NBAS: variants seen among roughly 807,000 people sequenced by gnomAD.
NBAS encodes NBAS subunit of NRZ tethering complex.
Under a neutral mutation model 302.5 loss-of-function variants are expected in NBAS, and 219 were observed. The ratio of observed to expected loss-of-function variants is 0.72; its 90% CI spans 0.65 to 0.81. NBAS has a LOEUF of 0.81. NBAS is among the 30% of genes least tolerant of loss of function. NBAS has a pLI of 0.00. For missense variants in NBAS, 2,932 were observed against 2,841.6 expected (o/e 1.03, Z -0.72); for synonymous variants, 1,118 against 1,021.6 (o/e 1.09, Z -1.80).
At chr2:15,420,102 CTAGTAA>C in intron 23 of NBAS, among the ~76,000 whole-genome samples, 1 of 152,216 alleles carries the variant, frequency 6.6e-6, no homozygotes, top group East Asian at 1.9e-4. Flanking sequence ...AGACTCTCTT[CTAGTAA>C]TAACAGTAGC....
At chr2:15,103,025 AAGGAAAGAGGGT>A in the NBAS span, among the ~76,000 whole-genome samples, 1 of 135,616 alleles carries the variant, frequency 7.4e-6, no homozygotes, top group African/African-American at 2.6e-5. Context: ...GGAAGGAAGG[AAGGAAAGAGGGT>A]CGGAGGGAGG....
At chr2:15,484,334 A>G in intron 12 of NBAS, among the ~76,000 whole-genome samples, 1 of 152,194 alleles carries the variant, frequency 6.6e-6, no homozygotes, top group Non-Finnish European at 1.5e-5. Flanking sequence ...ATTCTGAAAA[A>G]AGGCTTAACC....
chr2:14,821,585 C>T, the NBAS span, among the ~76,000 whole-genome samples: 28 of 152,232 alleles, frequency 1.8e-4, no homozygotes, highest in African/African-American at 6.7e-4. Context: ...TGGCCAGATC[C>T]CTTTTTCCAG....
the NBAS span, among the ~76,000 whole-genome samples, chr2:14,885,139 T>C: frequency 0.092 from 13,939 of 152,194 alleles, 1,019 homozygotes; most frequent in African/African-American, 0.2. Flanking sequence ...TGTAGGTAGA[T>C]GTTACTCTTA....
the NBAS span, among the ~76,000 whole-genome samples, chr2:14,868,462 T>C: frequency 6.6e-6 from 1 of 152,332 alleles, no homozygotes; most frequent in South Asian, 2.1e-4. Flanking sequence ...TAAAGGTCTA[T>C]ACGAAAGTAT....
At chr2:15,025,528 C>T in the NBAS span, among the ~76,000 whole-genome samples, 2 of 152,202 alleles carry the variant, frequency 1.3e-5, no homozygotes, top group East Asian at 3.9e-4. Context: ...ATAGGAATAG[C>T]ATTGAATCTG....
rs192911673 is a variant in NBAS at position 15,279,078 on chromosome 2, C to G, written c.5139-1977G>C. Among the ~76,000 whole-genome samples, 552 of 152,004 alleles carry G rather than the reference C, an allele frequency of 3.6e-3. 3 individuals are homozygous for G. Among genetic ancestry groups the G allele is most frequent in the Middle Eastern group, 0.01 (3 of 294 alleles). On this transcript the variant is annotated intron_variant, in intron 42 of 51. Transcript: ENST00000281513. The stretch of plus-strand genomic sequence containing the variant: ...ATTTCTGATGTTCCTTCATAATTTG[C>G]AAAATGAAGTCTAAAAACAATGTAG...
chr2:14,839,343 A>C, the NBAS span, among the ~76,000 whole-genome samples: 1 of 152,074 alleles, frequency 6.6e-6, no homozygotes, highest in Non-Finnish European at 1.5e-5. Flanking sequence ...GCAAGTGGAC[A>C]ACCAGCTTTC....
chr2:14,940,680 A>G, the NBAS span, among the ~76,000 whole-genome samples: 2 of 151,858 alleles, frequency 1.3e-5, no homozygotes, highest in African/African-American at 4.8e-5. Context: ...GCCTCCCACT[A>G]CCTCCCAGAA....
chr2:15,486,930 A>T (rs1251537965), intron 12 of NBAS, among the ~76,000 whole-genome samples: 1 of 152,192 alleles, frequency 6.6e-6, no homozygotes, highest in Non-Finnish European at 1.5e-5. Context: ...CAAAAAAAAA[A>T]AAGTCTCTGG....
Position 15,474,135 on chromosome 2 carries a change from T to C in NBAS, c.1531A>G (p.Thr511Ala). Residue 511 changes from threonine to alanine, a missense_variant, in exon 15 of 52, where the codon ACC becomes GCC. Transcript: ENST00000281513. ...RFAPPRKRPR[T>A]ITKNYRLVSL... is the part of the protein sequence containing the mutation. The stretch of plus-strand genomic sequence containing the variant: ...ACAAGGCGGTAGTTTTTAGTAATGG[T>C]TCGTGGGCGTTTCCGTGGTGGTGCA... The C allele has an allele frequency of 1.2e-6, 2 of 1,614,134 alleles. No homozygotes were observed. The highest frequency in any genetic ancestry group is 1.7e-6 in the Non-Finnish European group (2 of 1,180,008).
At chr2:15,393,758 T>C (rs752991569) in intron 28 of NBAS, 31 of 469,338 alleles carry the variant, frequency 6.6e-5, no homozygotes, top group Non-Finnish European at 1.2e-4. Context: ...GAAATACCAT[T>C]CCGCAAACAA....
chr2:15,139,566 C>A, the NBAS span, among the ~76,000 whole-genome samples: 1 of 151,926 alleles, frequency 6.6e-6, no homozygotes, highest in African/African-American at 2.4e-5. Flanking sequence ...AAAACCACCT[C>A]AAATCCTTTA....
the NBAS span, among the ~76,000 whole-genome samples, chr2:15,118,591 G>A: frequency 1.3e-5 from 2 of 152,142 alleles, no homozygotes; most frequent in East Asian, 1.9e-4. Context: ...TGTGATTTGG[G>A]AGCCCTGAGC....
chr2:15,446,963 C>A, intron 21 of NBAS, among the ~76,000 whole-genome samples: 1 of 147,776 alleles, frequency 6.8e-6, no homozygotes, highest in African/African-American at 2.5e-5. Flanking sequence ...ATATTCAAAT[C>A]AAAAGAAAAC....
At chr2:14,783,046 C>A in the NBAS span, among the ~76,000 whole-genome samples, 3 of 152,106 alleles carry the variant, frequency 2.0e-5, no homozygotes, top group African/African-American at 4.8e-5. Context: ...ATCTGTACAA[C>A]AAACCCTTGT....
chr2:14,882,773 A>G, the NBAS span, among the ~76,000 whole-genome samples: 1 of 152,094 alleles, frequency 6.6e-6, no homozygotes, highest in Non-Finnish European at 1.5e-5. Context: ...TGCCTCTACC[A>G]GAGAAATAAT....
At chr2:15,007,561 C>A in the NBAS span, among the ~76,000 whole-genome samples, 1 of 152,036 alleles carries the variant, frequency 6.6e-6, no homozygotes, top group African/African-American at 2.4e-5. Flanking sequence ...TACCAGAAAT[C>A]AGTATGTAGA....
the NBAS span, among the ~76,000 whole-genome samples, chr2:15,150,129 G>T: frequency 2.2e-4 from 34 of 151,508 alleles, no homozygotes; most frequent in African/African-American, 7.7e-4. Context: ...TTAATTATAT[G>T]GGAAGCATTG....
Sources: gnomAD v4.1 joint callset for allele counts (sites outside exome capture counted in the v4.1 genomes callset) on GRCh38, gnomAD v4.1.1 for gene constraint, MANE v1.5 for transcripts, NCBI Gene and HGNC (gene_info 2026-07-23, HGNC 2026-07-21) for gene names.